Variants in PAG1 observed in about 807,000 individuals in gnomAD.
The protein encoded by PAG1 is phosphoprotein membrane anchor with glycosphingolipid microdomains 1, also known as phosphoprotein associated with glycosphingolipid-enriched microdomains 1.
Under a neutral mutation model 31.7 loss-of-function variants are expected in PAG1, and 23 were observed. The observed-to-expected ratio is 0.73, with a 90% CI of 0.52 to 1.03. The LOEUF is 1.03. PAG1 is among the 50% of genes least tolerant of loss of function. The pLI is 0.00. For synonymous variants in PAG1, 214 were observed against 210.3 expected, an observed-to-expected ratio of 1.02 and a Z score of -0.15; for missense variants, 473 against 540.7, an observed-to-expected ratio of 0.87 and a Z score of 1.24.
chr8:81,103,645 G>A (rs940766225), intron 1 of PAG1, among the ~76,000 whole-genome samples: 1 of 152,060 alleles, frequency 6.6e-6, no homozygotes, highest in Non-Finnish European at 1.5e-5. Flanking sequence ...AAAATTATAG[G>A]ATATTTTACT....
At position 80,991,426 on chromosome 8, in the gene PAG1, T is replaced by C. The variant is rs1241571823; in HGVS notation, c.177+53A>G. 3 of 1,394,090 alleles carry C rather than the reference T, an allele frequency of 2.2e-6. No homozygotes were observed. The African/African-American group carries it at 4.2e-5, about 20-fold the overall frequency. The allele number at this position is 1,394,090 out of a possible 1,614,324, so 86.4% of individuals were successfully genotyped here. A position where few individuals can be genotyped will look rare whatever the true frequency, so the allele number is the denominator to read the frequency against. Reference sequence around the variant, plus strand: ...ATGGGAGCACACTTAGATAAGTAGCTGATGTTCTGGAGCACGCACGGACAG... The same window carrying C: ...ATGGGAGCACACTTAGATAAGTAGCCGATGTTCTGGAGCACGCACGGACAG... On this transcript the variant is annotated intron_variant, in intron 5 of 8. Coordinates refer to ENST00000220597, the MANE Select transcript of PAG1 (RefSeq NM_018440.4).
At chr8:81,012,638 T>A (rs912975161) in intron 3 of PAG1, among the ~76,000 whole-genome samples, 2 of 152,212 alleles carry the variant, frequency 1.3e-5, no homozygotes, top group Admixed American at 6.5e-5. Context: ...CTATTATGAT[T>A]TATAATTTAT....
At chr8:81,036,098 G>A (rs1482850406) in intron 2 of PAG1, among the ~76,000 whole-genome samples, 2 of 152,044 alleles carry the variant, frequency 1.3e-5, no homozygotes, top group African/African-American at 4.8e-5. Flanking sequence ...TTAGATTTGG[G>A]TCACTGTGTT....
chr8:81,010,344 T>C (rs1338132890), intron 3 of PAG1, among the ~76,000 whole-genome samples: 1 of 152,246 alleles, frequency 6.6e-6, no homozygotes, highest in African/African-American at 2.4e-5. Flanking sequence ...GATAGGGATT[T>C]TGAGCCACAC....
chr8:81,103,652 T>C (rs1809645154), intron 1 of PAG1, among the ~76,000 whole-genome samples: 1 of 152,256 alleles, frequency 6.6e-6, no homozygotes. Context: ...TAGGATATTT[T>C]ACTCAGCATA....
intron 2 of PAG1, among the ~76,000 whole-genome samples, chr8:81,040,050 T>A (rs1377818548): frequency 6.6e-6 from 1 of 152,202 alleles, no homozygotes; most frequent in African/African-American, 2.4e-5. Context: ...AAGACTGATA[T>A]GCTACATCAC....
chr8:81,041,369 G>A (rs753660389), intron 2 of PAG1, among the ~76,000 whole-genome samples: 1 of 152,164 alleles, frequency 6.6e-6, no homozygotes, highest in Non-Finnish European at 1.5e-5. Context: ...AGGCTTGACT[G>A]GCCATTTACC....
intron 2 of PAG1, among the ~76,000 whole-genome samples, chr8:81,055,889 C>T (rs1468822163): frequency 6.6e-6 from 1 of 152,238 alleles, no homozygotes; most frequent in Non-Finnish European, 1.5e-5. Flanking sequence ...GATATACAAT[C>T]ATGTCATCTG....
chr8:81,057,269 A>G (rs2130906543), intron 2 of PAG1, among the ~76,000 whole-genome samples: 1 of 152,300 alleles, frequency 6.6e-6, no homozygotes, highest in Non-Finnish European at 1.5e-5. Flanking sequence ...ACACATGCAC[A>G]CGTATGTTCA....
rs774233121 is a variant in PAG1 at position 80,991,491 on chromosome 8, G to T, written c.165C>A (p.Asn55Lys). ...CGCGCAGGCTCACCACGTTCATCAG[G>T]TTCTCATGGTCCCCACTATGCTGTC... ...KPRQHSGDHE[N>K]LMNVPSDKEM... The change falls in exon 5 of 9, where the codon AAC becomes AAA. Residue 55 changes from asparagine to lysine, a missense_variant. Coordinates refer to ENST00000220597, the MANE Select transcript of PAG1 (RefSeq NM_018440.4). The T allele has an allele frequency of 3.1e-6, 5 of 1,613,278 alleles. No individual in the cohort carries two copies. In the Admixed American group the frequency reaches 8.3e-5, roughly 27 times the overall value.
chr8:81,043,432 G>T (rs1472044857), intron 2 of PAG1, among the ~76,000 whole-genome samples: 1 of 152,122 alleles, frequency 6.6e-6, no homozygotes. Context: ...TTCTTTCTTT[G>T]TTACATATAT....
At position 80,969,358 on chromosome 8, in the gene PAG1, A is replaced by C. The variant is rs1485381645; in HGVS notation, c.*7186T>G. ...AATGCTCAAAATCCTCAACCCATAG[A>C]CTCAGGCTTTTGGTCCCAGCCTCTT... is the stretch of plus-strand genomic sequence containing the variant. On this transcript the variant is annotated 3_prime_UTR_variant, in exon 9 of 9. Coordinates refer to ENST00000220597, the MANE Select transcript of PAG1 (RefSeq NM_018440.4). 6.6e-6 allele frequency: 1 copy of C among 152,140 alleles called. No individual in the cohort carries two copies. Among genetic ancestry groups the C allele is most frequent in the Non-Finnish European group, 1.5e-5 (1 of 68,022 alleles). The allele number at this position is 152,140 out of a possible 1,614,324, so 9.4% of individuals were successfully genotyped here.
chr8:80,972,098 A>G lies in PAG1; in HGVS notation c.*4446T>C, dbSNP rs1316448736. 1 of 152,256 alleles carries G rather than the reference A, an allele frequency of 6.6e-6. No individual in the cohort carries two copies. Among genetic ancestry groups the G allele is most frequent in the Non-Finnish European group, 1.5e-5 (1 of 68,044 alleles). 9.4% of individuals were successfully genotyped at this position (152,256 alleles called of 1,614,324 possible). On this transcript the variant is annotated 3_prime_UTR_variant, in exon 9 of 9. Transcript: ENST00000220597. ...CACTGCAAATAAAGCCATATTTGATATTAAAGACACATGTTCCTATTTTCA... is the reference window on the plus strand; with the variant it reads ...CACTGCAAATAAAGCCATATTTGATGTTAAAGACACATGTTCCTATTTTCA...
intron 5 of PAG1, among the ~76,000 whole-genome samples, chr8:80,988,731 C>T (rs1478387728): frequency 2.0e-5 from 3 of 152,176 alleles, no homozygotes; most frequent in African/African-American, 4.8e-5. Flanking sequence ...GGATTACAGG[C>T]GTGAGCCACT....
intron 2 of PAG1, among the ~76,000 whole-genome samples, chr8:81,068,290 T>G (rs1210117091): frequency 6.6e-6 from 1 of 152,174 alleles, no homozygotes; most frequent in East Asian, 1.9e-4. Flanking sequence ...TGAAAATGGG[T>G]TGGGACAATT....
intron 2 of PAG1, among the ~76,000 whole-genome samples, chr8:81,030,667 A>T (rs548596285): frequency 6.6e-6 from 1 of 152,336 alleles, no homozygotes; most frequent in South Asian, 2.1e-4. Context: ...TTCAGAAAAG[A>T]GAGGCTACAT....
At chr8:81,039,971 G>A (rs1261334226) in intron 2 of PAG1, among the ~76,000 whole-genome samples, 1 of 152,068 alleles carries the variant, frequency 6.6e-6, no homozygotes, top group Non-Finnish European at 1.5e-5. Flanking sequence ...ATTTTAAAGA[G>A]CTCTGTAAGA....
intron 1 of PAG1, among the ~76,000 whole-genome samples, chr8:81,071,132 A>G (rs1809087259): frequency 1.3e-5 from 2 of 152,216 alleles, no homozygotes; most frequent in South Asian, 4.1e-4. Context: ...AAAGCAAAGT[A>G]ACATTTGAAA....
At chr8:81,061,669 G>A (rs763360502) in intron 2 of PAG1, among the ~76,000 whole-genome samples, 3 of 152,158 alleles carry the variant, frequency 2.0e-5, no homozygotes, top group Non-Finnish European at 4.4e-5. Context: ...AGGACACAGG[G>A]TGAACAAAAC....
Sources: allele counts gnomAD v4.1 joint callset (sites outside exome capture counted in the v4.1 genomes callset), GRCh38; gene constraint gnomAD v4.1.1; transcripts MANE v1.5; gene names NCBI Gene and HGNC (gene_info 2026-07-23, HGNC 2026-07-21).